The following C1QTNF9 variants were observed in gnomAD, a reference collection of about 807,000 sequenced individuals.
The protein encoded by C1QTNF9 is complement C1q and tumor necrosis factor-related protein 9A.
Under a neutral mutation model 10.1 loss-of-function variants are expected in C1QTNF9, and 6 were observed. The ratio of observed to expected loss-of-function variants is 0.59; its 90% CI spans 0.32 to 1.17. The LOEUF (loss-of-function observed/expected upper bound fraction) is 1.17, where lower values mean the gene tolerates loss of function less well. Among genes scored for constraint, C1QTNF9 ranks in the 50% most tolerant of loss-of-function variants. The pLI, the probability that C1QTNF9 is intolerant of heterozygous loss-of-function variation, is 0.04. For missense variants in C1QTNF9, 201 were observed against 418.8 expected, an observed-to-expected ratio of 0.48 and a Z score of 4.54; for synonymous variants, 98 against 163.5, an observed-to-expected ratio of 0.60 and a Z score of 3.06.
chr13:24,316,228 T>G (rs1426347355), intron 2 of C1QTNF9, 59 bp downstream of exon 2: 2 of 1,514,498 alleles, frequency 1.3e-6, no homozygotes, highest in African/African-American at 2.7e-5. Flanking sequence ...TTTCATCTCA[T>G]TCACTCATCA....
At chr13:24,310,380 T>G (rs1160218587) in intron 1 of C1QTNF9, among the ~76,000 whole-genome samples, 2 of 150,056 alleles carry the variant, frequency 1.3e-5, no homozygotes, top group Non-Finnish European at 3.0e-5. Flanking sequence ...CTCGATCTCC[T>G]GACCTCGTGA....
chr13:24,311,764 A>G (rs1877830347), intron 1 of C1QTNF9, among the ~76,000 whole-genome samples: 2 of 152,168 alleles, frequency 1.3e-5, no homozygotes, highest in Admixed American at 1.3e-4. Context: ...TATGTCAAAG[A>G]TGTGCTGGCA....
intron 2 of C1QTNF9, among the ~76,000 whole-genome samples, chr13:24,317,966 A>T (rs972187610): frequency 5.3e-5 from 8 of 152,086 alleles, no homozygotes; most frequent in African/African-American, 1.9e-4. Flanking sequence ...AGGAGAACAG[A>T]CATCGTGACA....
chr13:24,314,176 T>G (rs1214557012), intron 1 of C1QTNF9, among the ~76,000 whole-genome samples: 4 of 152,182 alleles, frequency 2.6e-5, no homozygotes, highest in Non-Finnish European at 4.4e-5. Context: ...TACATGGCTA[T>G]CAGCACTGTG....
At chr13:24,315,839 C>G in intron 1 of C1QTNF9, 143 bp from the exon 2 acceptor site, 1 of 835,732 alleles carries the variant, frequency 1.2e-6, no homozygotes, top group East Asian at 2.6e-5. Flanking sequence ...GCTCCCCTGC[C>G]CTGAGCCTTC....
exon 4 of C1QTNF9, chr13:24,322,353 A>G (rs1437038793): frequency 1.3e-5 from 2 of 152,322 alleles, no homozygotes; most frequent in Non-Finnish European, 2.9e-5. Flanking sequence ...TAAGCCCTGC[A>G]TGCATTAGCT....
At chr13:24,309,906 C>CT (rs1471871333) in intron 1 of C1QTNF9, among the ~76,000 whole-genome samples, 2 of 151,858 alleles carry the variant, frequency 1.3e-5, no homozygotes, top group Non-Finnish European at 2.9e-5. Context: ...GGCTTTTTTT[C>CT]TTTTTTTCAG....
At chr13:24,309,647 T>A (rs1877736448) in intron 1 of C1QTNF9, 31 bp downstream of exon 1, 1 of 152,146 alleles carries the variant, frequency 6.6e-6, no homozygotes, top group Non-Finnish European at 1.5e-5. Context: ...TTTCTTTACA[T>A]TCAATTTAAG....
intron 1 of C1QTNF9, among the ~76,000 whole-genome samples, chr13:24,315,278 C>T (rs550353930): frequency 3.9e-5 from 6 of 152,310 alleles, no homozygotes; most frequent in African/African-American, 1.2e-4. Flanking sequence ...GCTCTAGGAA[C>T]CTCTTATAGG....
intron 3 of C1QTNF9, among the ~76,000 whole-genome samples, chr13:24,320,686 G>C (rs1424472153): frequency 6.6e-6 from 1 of 152,006 alleles, no homozygotes; most frequent in Non-Finnish European, 1.5e-5. Context: ...AGCTGGGCTG[G>C]AGTAATTGAA....
chr13:24,307,668 G>T (rs530085004), upstream of C1QTNF9, among the ~76,000 whole-genome samples: 2 of 152,344 alleles, frequency 1.3e-5, no homozygotes, highest in South Asian at 4.1e-4. Flanking sequence ...CGGTCGCTAG[G>T]GTGGGGAGGG....
intron 1 of C1QTNF9, among the ~76,000 whole-genome samples, chr13:24,310,057 C>T (rs1306630990): frequency 6.6e-6 from 1 of 151,796 alleles, no homozygotes; most frequent in Non-Finnish European, 1.5e-5. Context: ...CCACACCCTG[C>T]TAATTTTTGT....
At chr13:24,310,320 CTTTT>C (rs59368172) in intron 1 of C1QTNF9, among the ~76,000 whole-genome samples, 9 of 140,720 alleles carry the variant, frequency 6.4e-5, no homozygotes, top group Admixed American at 7.1e-5. Context: ...CGCCTGGCTA[CTTTT>C]TTTTTTTTTT....
chr13:24,322,017 C>T (rs377593861), exon 4 of C1QTNF9: 39 of 478,746 alleles, frequency 8.1e-5, no homozygotes, highest in Middle Eastern at 1.2e-3. Context: ...AAGAATCCCT[C>T]GTCTGTGCGT....
chr13:24,317,733 GT>G lies in C1QTNF9; in HGVS notation c.167-1083del, dbSNP rs962037220. 2.4e-4 allele frequency among the ~76,000 whole-genome samples: 37 copies of G among 151,890 alleles called. No individual in the cohort carries two copies. In the South Asian group the frequency reaches 6.5e-3, roughly 27 times the overall value. On this transcript the variant is annotated intron_variant, in intron 2 of 3. Transcript: ENST00000332018. ...CTGTGTTCATGCTTTGTGAGTTGTG[GT>G]TGCGTGATCATGAAAGCTCAGAGGC...
chr13:24,312,366 T>A (rs1366750876), intron 1 of C1QTNF9, among the ~76,000 whole-genome samples: 5 of 151,560 alleles, frequency 3.3e-5, no homozygotes, highest in African/African-American at 1.2e-4. Context: ...GTAATTCAGA[T>A]GAGAGAGAGA....
intron 2 of C1QTNF9, among the ~76,000 whole-genome samples, chr13:24,318,314 T>C (rs1367765969): frequency 4.6e-5 from 7 of 152,258 alleles, no homozygotes; most frequent in East Asian, 1.9e-4. Flanking sequence ...AGAGGGATCC[T>C]TCCAGAACTC....
upstream of C1QTNF9, among the ~76,000 whole-genome samples, chr13:24,307,864 A>T (rs1877657798): frequency 6.6e-6 from 1 of 152,242 alleles, no homozygotes; most frequent in Non-Finnish European, 1.5e-5. Flanking sequence ...CCTGGGCCGC[A>T]GCAGCCCCGG....
Position 24,322,026 on chromosome 13 carries a change from G to A in C1QTNF9, c.*258G>A, listed in dbSNP as rs573890926. The A allele has an allele frequency of 9.1e-6, 4 of 441,914 alleles. No homozygotes were observed. In the East Asian group the frequency reaches 1.4e-4, roughly 15 times the overall value. The allele number at this position is 441,914 out of a possible 1,614,324, so 27.4% of individuals were successfully genotyped here. On this transcript the variant is annotated 3_prime_UTR_variant, in exon 4 of 4. Transcript: ENST00000332018. The stretch of plus-strand genomic sequence containing the variant: ...TATCTGAAGAATCCCTCGTCTGTGC[G>A]TTTCTTGTGGGAAGAGTGTTTTAAT...
Sources: allele counts gnomAD v4.1 joint callset (sites outside exome capture counted in the v4.1 genomes callset), GRCh38; gene constraint gnomAD v4.1.1; transcripts MANE v1.5; gene names NCBI Gene and HGNC (gene_info 2026-07-23, HGNC 2026-07-21).